Variants in NFATC2 observed in about 807,000 individuals in gnomAD.
The protein encoded by NFATC2 is nuclear factor of activated T-cells, cytoplasmic 2.
A neutral mutation model predicts 87.3 loss-of-function variants in NFATC2; 22 were observed. The observed-to-expected ratio is 0.25, with a 90% CI of 0.18 to 0.36. The LOEUF is 0.36. Ranked by LOEUF, NFATC2 falls within the 10% of genes least tolerant of loss-of-function variation. The pLI, the probability that NFATC2 is intolerant of heterozygous loss-of-function variation, is 1.00. For synonymous variants in NFATC2, 565 were observed against 542.2 expected (o/e 1.04, Z -0.58); for missense variants, 1,149 against 1,259.1 (o/e 0.91, Z 1.32).
upstream of NFATC2, among the ~76,000 whole-genome samples, chr20:51,546,377 A>G (rs955512527): frequency 9.2e-5 from 14 of 152,128 alleles, no homozygotes; most frequent in South Asian, 2.7e-3. Context: ...GGGGAAAGGC[A>G]TATTTTCAAT....
chr20:51,417,853 C>G (rs117249065), intron 9 of NFATC2, among the ~76,000 whole-genome samples: 2 of 152,096 alleles, frequency 1.3e-5, no homozygotes, highest in Non-Finnish European at 1.5e-5. Context: ...CTCAGCAACA[C>G]GCCCCCTGAG....
chr20:51,412,956 CGCCCCACCGACCCCGG>C (rs1979469375), intron 9 of NFATC2, among the ~76,000 whole-genome samples: 2 of 88,610 alleles, frequency 2.3e-5, no homozygotes, highest in African/African-American at 9.5e-5. Flanking sequence ...ACCCCACCCC[CGCCCCACCGACCCCGG>C]CCCCCCCATC....
chr20:51,478,020 T>C (rs1455301555), intron 3 of NFATC2, among the ~76,000 whole-genome samples: 1 of 152,178 alleles, frequency 6.6e-6, no homozygotes, highest in Non-Finnish European at 1.5e-5. Context: ...GAAAGTCCTA[T>C]TGAACAATGC....
chr20:51,484,889 G>A (rs943237592), intron 3 of NFATC2, among the ~76,000 whole-genome samples: 6 of 152,220 alleles, frequency 3.9e-5, no homozygotes, highest in Non-Finnish European at 8.8e-5. Flanking sequence ...AGGCCACTGT[G>A]ATCAGCCGCC....
At chr20:51,531,468 C>A (rs2076632661) in intron 1 of NFATC2, among the ~76,000 whole-genome samples, 1 of 152,200 alleles carries the variant, frequency 6.6e-6, no homozygotes, top group Non-Finnish European at 1.5e-5. Flanking sequence ...CTGGCCACTC[C>A]CAAAAACTAC....
At chr20:51,400,653 C>T (rs1987929615) in intron 9 of NFATC2, among the ~76,000 whole-genome samples, 1 of 152,176 alleles carries the variant, frequency 6.6e-6, no homozygotes, top group Non-Finnish European at 1.5e-5. Context: ...GAGGCAGGGC[C>T]TGTCTTCATT....
chr20:51,443,706 A>G (rs1298063569), intron 6 of NFATC2, among the ~76,000 whole-genome samples: 3 of 152,190 alleles, frequency 2.0e-5, no homozygotes, highest in African/African-American at 7.2e-5. Context: ...TGAGAAGACC[A>G]AGTATGCTTC....
chr20:51,426,006 C>A (rs889040023), intron 9 of NFATC2, among the ~76,000 whole-genome samples: 1 of 152,116 alleles, frequency 6.6e-6, no homozygotes, highest in Non-Finnish European at 1.5e-5. Flanking sequence ...CTGGAGGAAG[C>A]GGGGGGAGGG....
At chr20:51,434,839 C>A (rs1195028184) in intron 8 of NFATC2, among the ~76,000 whole-genome samples, 5 of 152,148 alleles carry the variant, frequency 3.3e-5, no homozygotes, top group Non-Finnish European at 7.4e-5. Flanking sequence ...GCCCCTCTAT[C>A]ATGATCAAAT....
At chr20:51,561,281 G>C (rs2077018672) in intron 1 of NFATC2, among the ~76,000 whole-genome samples, 1 of 140,840 alleles carries the variant, frequency 7.1e-6, no homozygotes, top group Non-Finnish European at 1.5e-5. Context: ...CCGTGGCAAA[G>C]CACACCGTTT....
rs1286844454 is a variant in NFATC2, at chr20:51,425,653, A to G, written c.2722+6414T>C. Among the ~76,000 whole-genome samples the G allele has an allele frequency of 5.3e-5, 8 of 152,338 alleles. No individual in the cohort carries two copies. The East Asian group carries it at 1.5e-3, about 29-fold the overall frequency. ...TGTCCCAGGCTTGCCGTGGGCACTG[A>G]GGGGCCCTAGTGAAAGATCCCTGAA... On this transcript the variant is annotated intron_variant, in intron 9 of 10. Transcript: ENST00000371564.
At chr20:51,470,345 GA>G (rs1988088090) in intron 5 of NFATC2, among the ~76,000 whole-genome samples, 1 of 152,130 alleles carries the variant, frequency 6.6e-6, no homozygotes, top group Admixed American at 6.5e-5. Flanking sequence ...AGCCCTAGTG[GA>G]AACAGAAGAC....
At chr20:51,496,523 TCTC>T (rs1451890506) in intron 3 of NFATC2, among the ~76,000 whole-genome samples, 1 of 151,880 alleles carries the variant, frequency 6.6e-6, no homozygotes, top group East Asian at 1.9e-4. Flanking sequence ...CTCACTACCT[TCTC>T]CTTCTTTTAT....
At chr20:51,536,347 G>A (rs1418469437) in intron 1 of NFATC2, among the ~76,000 whole-genome samples, 1 of 152,072 alleles carries the variant, frequency 6.6e-6, no homozygotes, top group Non-Finnish European at 1.5e-5. Flanking sequence ...GACCTAGAAT[G>A]CTCAGTGCCC....
intron 1 of NFATC2, among the ~76,000 whole-genome samples, chr20:51,541,588 A>G (rs1285981389): frequency 6.6e-6 from 1 of 152,140 alleles, no homozygotes; most frequent in Non-Finnish European, 1.5e-5. Context: ...AGGCAGAAAG[A>G]GCCTGTGTCC....
At chr20:51,505,703 T>C (rs1568700988) in intron 3 of NFATC2, among the ~76,000 whole-genome samples, 1 of 152,138 alleles carries the variant, frequency 6.6e-6, no homozygotes, top group African/African-American at 2.4e-5. Context: ...AGGAAGTCCT[T>C]TGACCTCAAG....
chr20:51,424,838 C>T (rs1009191203), intron 9 of NFATC2, among the ~76,000 whole-genome samples: 2 of 148,310 alleles, frequency 1.3e-5, no homozygotes, highest in East Asian at 2.0e-4. Context: ...TGCATATGCT[C>T]GGGATTACAT....
intron 3 of NFATC2, among the ~76,000 whole-genome samples, chr20:51,497,403 A>G (rs1432611920): frequency 1.3e-5 from 2 of 152,250 alleles, no homozygotes; most frequent in Non-Finnish European, 2.9e-5. Flanking sequence ...CTAGAGACAT[A>G]GTCACGGGGT....
intron 3 of NFATC2, among the ~76,000 whole-genome samples, chr20:51,509,508 T>G (rs1002374295): frequency 6.6e-6 from 1 of 151,980 alleles, no homozygotes; most frequent in Non-Finnish European, 1.5e-5. Flanking sequence ...ACCACCTCTT[T>G]CCCTTCCCCT....
Sources: gnomAD v4.1 joint callset for allele counts (sites outside exome capture counted in the v4.1 genomes callset) on GRCh38, gnomAD v4.1.1 for gene constraint, MANE v1.5 for transcripts, NCBI Gene and HGNC (gene_info 2026-07-23, HGNC 2026-07-21) for gene names.